SH3GL3: variants seen among roughly 807,000 people sequenced by gnomAD.
SH3GL3 encodes SH3 domain containing GRB2 like 3, endophilin A3.
SH3GL3 carries 33 observed loss-of-function variants against 47.7 expected under a neutral mutation model. The observed-to-expected ratio is 0.69, with a 90% CI of 0.52 to 0.92. The LOEUF is 0.92. Ranked by LOEUF, SH3GL3 falls within the 40% of genes least tolerant of loss-of-function variation. The pLI is 0.00. For missense variants in SH3GL3, 363 were observed against 417.8 expected, an observed-to-expected ratio of 0.87 and a Z score of 1.14; for synonymous variants, 155 against 148.8, an observed-to-expected ratio of 1.04 and a Z score of -0.30.
intron 8 of SH3GL3, among the ~76,000 whole-genome samples, chr15:83,599,571 C>G (rs768023532): frequency 6.6e-6 from 1 of 152,160 alleles, no homozygotes; most frequent in Non-Finnish European, 1.5e-5. Context: ...CATATATATA[C>G]CACAGTTTTT....
chr15:83,519,045 A>G lies in SH3GL3; in HGVS notation c.46-40208A>G, dbSNP rs145027496. Among the ~76,000 whole-genome samples the G allele has an allele frequency of 6.7e-3, 1,014 of 152,044 alleles. 10 individuals carry two copies. Among genetic ancestry groups the G allele is most frequent in the Non-Finnish European group, 0.01 (705 of 67,830 alleles). On this transcript the variant is annotated intron_variant, in intron 1 of 8. Coordinates refer to ENST00000427482, the MANE Select transcript of SH3GL3 (RefSeq NM_003027.5). ...TGGTCTACATACCTGTTTTTGTACCAGCACCATGATGTTTTAGTTACTGTA... is the reference window on the plus strand; with the variant it reads ...TGGTCTACATACCTGTTTTTGTACCGGCACCATGATGTTTTAGTTACTGTA...
intron 1 of SH3GL3, among the ~76,000 whole-genome samples, chr15:83,525,688 G>A (rs921964074): frequency 3.3e-5 from 5 of 152,012 alleles, no homozygotes; most frequent in African/African-American, 9.7e-5. Flanking sequence ...ATTTTGAGTT[G>A]ATTTTGGGAT....
intron 5 of SH3GL3, among the ~76,000 whole-genome samples, chr15:83,575,596 C>T (rs1235532645): frequency 6.6e-6 from 1 of 152,156 alleles, no homozygotes; most frequent in African/African-American, 2.4e-5. Flanking sequence ...GGCTGACTTT[C>T]AGGTGTTCAT....
At chr15:83,510,091 CT>C (rs35224712) in intron 1 of SH3GL3, among the ~76,000 whole-genome samples, 120,786 of 148,156 alleles carry the variant, frequency 0.82, 49,311 homozygotes, top group African/African-American at 0.91. Context: ...CTTAAGGATT[CT>C]TTTTTTTTTT....
At chr15:83,502,492 T>G (rs1401464013) in intron 1 of SH3GL3, among the ~76,000 whole-genome samples, 1 of 152,266 alleles carries the variant, frequency 6.6e-6, no homozygotes, top group Non-Finnish European at 1.5e-5. Context: ...CTGTGACTTT[T>G]GGAGGTACCT....
intron 1 of SH3GL3, among the ~76,000 whole-genome samples, chr15:83,505,523 C>CTTTTTTTTTT (rs35112953): frequency 1.1e-5 from 1 of 92,036 alleles, no homozygotes; most frequent in Non-Finnish European, 2.1e-5. Context: ...CTTGAATTTC[C>CTTTTTTTTTT]TTTTTTTTTT....
At chr15:83,611,271 T>C (rs1394869907) in intron 8 of SH3GL3, 1 of 152,120 alleles carries the variant, frequency 6.6e-6, no homozygotes, top group Non-Finnish European at 1.5e-5. Flanking sequence ...TCTCTTTCTC[T>C]TTTTCCTAAT....
intron 1 of SH3GL3, among the ~76,000 whole-genome samples, chr15:83,489,982 G>C (rs1288964337): frequency 6.6e-6 from 1 of 152,214 alleles, no homozygotes; most frequent in Non-Finnish European, 1.5e-5. Flanking sequence ...TAGATCAATA[G>C]ATAGATAAAA....
intron 7 of SH3GL3, 106 bp from the exon 8 acceptor site, chr15:83,588,556 C>A: frequency 1.4e-6 from 1 of 716,468 alleles, no homozygotes; most frequent in African/African-American, 1.7e-5. Context: ...CCTTTCATGA[C>A]CACTGGCTGT....
intron 1 of SH3GL3, among the ~76,000 whole-genome samples, chr15:83,468,414 T>C (rs963086769): frequency 1.6e-4 from 24 of 152,202 alleles, no homozygotes; most frequent in African/African-American, 5.5e-4. Context: ...ATAAGAGTAG[T>C]GAGAGTTGAC....
intron 8 of SH3GL3, among the ~76,000 whole-genome samples, chr15:83,599,566 A>G (rs181381688): frequency 1.3e-5 from 2 of 152,358 alleles, no homozygotes; most frequent in East Asian, 1.9e-4. Flanking sequence ...TACCACATAT[A>G]TATACCACAG....
At chr15:83,481,374 G>T (rs1438548078) in intron 1 of SH3GL3, among the ~76,000 whole-genome samples, 1 of 152,076 alleles carries the variant, frequency 6.6e-6, no homozygotes, top group Non-Finnish European at 1.5e-5. Context: ...ATGGCTTTAG[G>T]AATCAGGAGA....
intron 1 of SH3GL3, among the ~76,000 whole-genome samples, chr15:83,484,808 C>A (rs1006155889): frequency 6.6e-6 from 1 of 152,200 alleles, no homozygotes; most frequent in Admixed American, 6.5e-5. Context: ...ACATGAAGCA[C>A]ATTTTCAAAT....
intron 1 of SH3GL3, among the ~76,000 whole-genome samples, chr15:83,529,440 G>A (rs1264679368): frequency 6.6e-6 from 1 of 152,148 alleles, no homozygotes; most frequent in African/African-American, 2.4e-5. Flanking sequence ...AGTGATGTTA[G>A]TGATGGTTGT....
rs144092741 is a variant in SH3GL3, at chr15:83,579,458, C to T, written c.624+2717C>T. ...GTGGGAGGAGACCAACGTTATGAAA[C>T]GGAGATGGGCCGCCCAGGCTGCCCG... is the stretch of plus-strand genomic sequence containing the variant. On this transcript the variant is annotated intron_variant, in intron 6 of 8. Coordinates refer to ENST00000427482, the MANE Select transcript of SH3GL3 (RefSeq NM_003027.5). Among the ~76,000 whole-genome samples, 1,045 of 152,296 alleles carry T rather than the reference C, an allele frequency of 6.9e-3. 8 individuals carry two copies. Among genetic ancestry groups the T allele is most frequent in the Non-Finnish European group, 9.0e-3 (615 of 68,028 alleles).
At chr15:83,619,985 A>T (rs769675465), downstream of SH3GL3, among the ~76,000 whole-genome samples, 2 of 152,230 alleles carry the variant, frequency 1.3e-5, no homozygotes, top group African/African-American at 2.4e-5. Flanking sequence ...CTTTGTTGCC[A>T]TTACAATAAT....
chr15:83,487,220 A>G (rs200333195), intron 1 of SH3GL3, among the ~76,000 whole-genome samples: 18 of 85,190 alleles, frequency 2.1e-4, no homozygotes, highest in African/African-American at 8.4e-4. Flanking sequence ...TTTTTTTTTT[A>G]TCTTTCTTGT....
At chr15:83,574,229 T>C (rs1259053366) in intron 5 of SH3GL3, among the ~76,000 whole-genome samples, 2 of 152,094 alleles carry the variant, frequency 1.3e-5, no homozygotes, top group Non-Finnish European at 2.9e-5. Flanking sequence ...GAATTTCTGC[T>C]GAAAGCAAAG....
intron 1 of SH3GL3, among the ~76,000 whole-genome samples, chr15:83,491,539 A>G (rs1020919950): frequency 2.6e-5 from 4 of 152,222 alleles, no homozygotes; most frequent in Non-Finnish European, 4.4e-5. Flanking sequence ...TAAAGTGTAA[A>G]TAGATTCACA....
Sources: gnomAD v4.1 joint callset for allele counts (sites outside exome capture counted in the v4.1 genomes callset) on GRCh38, gnomAD v4.1.1 for gene constraint, MANE v1.5 for transcripts, NCBI Gene and HGNC (gene_info 2026-07-23, HGNC 2026-07-21) for gene names.